The following ALPK2 variants were observed in gnomAD, a reference collection of about 807,000 sequenced individuals.
The protein encoded by ALPK2 is alpha kinase 2, also known as alpha-protein kinase 2.
ALPK2 carries 127 observed loss-of-function variants against 163.1 expected under a neutral mutation model. That is an observed-to-expected ratio of 0.78 (90% CI 0.67 to 0.90). ALPK2 has a LOEUF of 0.90. Among genes scored for constraint, ALPK2 ranks in the 40% least tolerant of loss-of-function variants. The pLI is 0.00. For missense variants in ALPK2, 2,360 were observed against 2,589.6 expected, an observed-to-expected ratio of 0.91 and a Z score of 1.92; for synonymous variants, 953 against 959.1, an observed-to-expected ratio of 0.99 and a Z score of 0.12.
intron 12 of ALPK2, among the ~76,000 whole-genome samples, chr18:58,493,558 C>T (rs1264139302): frequency 6.6e-6 from 1 of 152,076 alleles, no homozygotes. Flanking sequence ...CTCAGCTTGG[C>T]CGAGTGTGGG....
At chr18:58,515,855 A>G (rs2051518553) in intron 9 of ALPK2, among the ~76,000 whole-genome samples, 1 of 152,194 alleles carries the variant, frequency 6.6e-6, no homozygotes, top group African/African-American at 2.4e-5. Flanking sequence ...TAAACATTTT[A>G]AAGGGGCACA....
At position 58,625,630 on chromosome 18, in the gene ALPK2, G is replaced by A. The variant is rs147136865; in HGVS notation, c.-21+3134C>T. Among the ~76,000 whole-genome samples, 432 of 152,338 alleles carry A rather than the reference G, an allele frequency of 2.8e-3. 2 individuals carry two copies. The highest frequency in any genetic ancestry group is 0.01 in the African/African-American group (418 of 41,578). ...TTTAAGAACCGCTGGACTCAGGAAG[G>A]TCTTAAACTAGGGGTTGAGGAGCAA... On this transcript the variant is annotated intron_variant, in intron 1 of 12. Coordinates refer to ENST00000361673, the MANE Select transcript of ALPK2 (RefSeq NM_052947.4).
intron 10 of ALPK2, among the ~76,000 whole-genome samples, chr18:58,512,908 GGTGTATGTGTGAT>G (rs1412552210): frequency 8.0e-6 from 1 of 125,490 alleles, no homozygotes; most frequent in Non-Finnish European, 1.7e-5. Context: ...GTATGTGTGT[GGTGTATGTGTGAT>G]GTGTGGGGTG....
chr18:58,580,648 G>A, intron 3 of ALPK2, 100 bp from the exon 4 acceptor site: 3 of 1,113,058 alleles, frequency 2.7e-6, no homozygotes, highest in South Asian at 3.0e-5. Context: ...TCATTTTACT[G>A]CATGTTCAAG....
In ALPK2 at chr18:58,611,982, G is replaced by A. The variant is rs1602240032; in HGVS notation, c.-20-165C>T. ...GCCTTTCCAGGCCGTGGTGCTGCTG[G>A]TAGGTGGGCTGGATCCTTCTGTATT... On this transcript the variant is annotated intron_variant, in intron 1 of 12. Transcript: ENST00000361673. 4.6e-5 allele frequency among the ~76,000 whole-genome samples: 7 copies of A among 152,332 alleles called. 1 individual carries two copies. The South Asian group carries it at 1.4e-3, about 32-fold the overall frequency.
chr18:58,558,575 C>G (rs1602217894), intron 4 of ALPK2, among the ~76,000 whole-genome samples: 1 of 152,214 alleles, frequency 6.6e-6, no homozygotes, highest in African/African-American at 2.4e-5. Flanking sequence ...CTCTTAGGTA[C>G]TTACCCAAGA....
At chr18:58,620,838 T>G (rs2052194791) in intron 1 of ALPK2, among the ~76,000 whole-genome samples, 2 of 152,200 alleles carry the variant, frequency 1.3e-5, no homozygotes, top group South Asian at 4.1e-4. Flanking sequence ...CTTTTTTTCT[T>G]GTTAACAACA....
rs954442040 is a variant in ALPK2, at chr18:58,558,572, G to A, written c.1962+20242C>T. Reference sequence around the variant, plus strand: ...AGTTACCCAGCAATTCCACTCTTAGGTACTTACCCAAGATAATTTGAAAAC... The same window carrying A: ...AGTTACCCAGCAATTCCACTCTTAGATACTTACCCAAGATAATTTGAAAAC... On this transcript the variant is annotated intron_variant, in intron 4 of 12. Coordinates refer to ENST00000361673, the MANE Select transcript of ALPK2 (RefSeq NM_052947.4). Among the ~76,000 whole-genome samples the A allele has an allele frequency of 7.2e-5, 11 of 152,136 alleles. No individual in the cohort carries two copies. The South Asian group carries it at 2.3e-3, about 31-fold the overall frequency.
Position 58,610,290 on chromosome 18 carries a change from A to AG in ALPK2, c.109+1398_109+1399insC, listed in dbSNP as rs1354841586. Among the ~76,000 whole-genome samples, 4 of 151,618 alleles carry AG rather than the reference A, an allele frequency of 2.6e-5. No homozygotes were observed. In the East Asian group the frequency reaches 7.7e-4, roughly 29 times the overall value. ...GACCCTGTCTCAAAAAAAAAAAAAA[A>AG]AAAAAAAAGAGCAAGGGGAGAAGAG... On this transcript the variant is annotated intron_variant, in intron 2 of 12. Coordinates refer to ENST00000361673, the MANE Select transcript of ALPK2 (RefSeq NM_052947.4).
At position 58,537,265 on chromosome 18, in the gene ALPK2, T is replaced by A. The variant is rs779605544; in HGVS notation, c.2922A>T (p.Thr974=). The change falls in exon 5 of 13, where the codon ACA becomes ACT. Residue 974 remains threonine (T), a synonymous_variant. Transcript: ENST00000361673. ...PSPSAADTTA[T]PASYSSIVSF... is the part of the protein sequence containing the mutation. ...TCACAATTGAACTATAACTGGCTGG[T>A]GTGGCTGTGGTGTCTGCGGCACTAG... is the stretch of plus-strand genomic sequence containing the variant. The A allele has an allele frequency of 1.2e-6, 2 of 1,614,112 alleles. No individual in the cohort carries two copies. The highest frequency in any genetic ancestry group is 2.2e-5 in the South Asian group (2 of 91,080).
At position 58,486,201 on chromosome 18, in the gene ALPK2, G is replaced by A. The variant is rs59226986; in HGVS notation, c.6297-4162C>T. ...ACTTAACCTCTTTCTTTAGACCCTCGCAGAAAGCTGGAGTCAGGCAGCAGA... is the reference window on the plus strand; with the variant it reads ...ACTTAACCTCTTTCTTTAGACCCTCACAGAAAGCTGGAGTCAGGCAGCAGA... On this transcript the variant is annotated intron_variant, in intron 12 of 12. Coordinates refer to ENST00000361673, the MANE Select transcript of ALPK2 (RefSeq NM_052947.4). Among the ~76,000 whole-genome samples, 492 of 152,236 alleles carry A rather than the reference G, an allele frequency of 3.2e-3. 9 individuals are homozygous for A. Among genetic ancestry groups the A allele is most frequent in the Admixed American group, 0.027 (417 of 15,296 alleles).
At chr18:58,558,300 C>T (rs772119072) in intron 4 of ALPK2, among the ~76,000 whole-genome samples, 2 of 151,900 alleles carry the variant, frequency 1.3e-5, no homozygotes, top group Non-Finnish European at 2.9e-5. Context: ...AGACTTAATA[C>T]CAAAAAAATG....
At chr18:58,531,648 G>GAAAAAAAAAAAAA (rs34960653) in intron 5 of ALPK2, among the ~76,000 whole-genome samples, 1 of 103,598 alleles carries the variant, frequency 9.7e-6, no homozygotes, top group African/African-American at 3.7e-5. Context: ...GTGATAAGTT[G>GAAAAAAAAAAAAA]AAAAAAAAAA....
intron 4 of ALPK2, among the ~76,000 whole-genome samples, chr18:58,548,222 G>A (rs1021710944): frequency 1.3e-5 from 2 of 152,074 alleles, no homozygotes; most frequent in East Asian, 1.9e-4. Context: ...AAAAAATGGC[G>A]AGAAAATGCA....
rs527508336 is a variant in ALPK2 at position 58,566,267 on chromosome 18, A to C, written c.1962+12547T>G. ...TGGCTAATTGTGTCAGCATTGAAGC[A>C]CTTGTCTCTTCCCTACAAGTTGAAA... On this transcript the variant is annotated intron_variant, in intron 4 of 12. Coordinates refer to ENST00000361673, the MANE Select transcript of ALPK2 (RefSeq NM_052947.4). Among the ~76,000 whole-genome samples, 3 of 152,328 alleles carry C rather than the reference A, an allele frequency of 2.0e-5. No individual in the cohort carries two copies. In the South Asian group the frequency reaches 6.2e-4, roughly 32 times the overall value.
At chr18:58,508,494 G>C (rs902614220) in intron 10 of ALPK2, among the ~76,000 whole-genome samples, 3 of 152,210 alleles carry the variant, frequency 2.0e-5, no homozygotes, top group African/African-American at 7.2e-5. Flanking sequence ...AGACCTTGCT[G>C]ATAAAACAGC....
intron 1 of ALPK2, among the ~76,000 whole-genome samples, chr18:58,616,635 C>T (rs1372455852): frequency 6.6e-6 from 1 of 152,216 alleles, no homozygotes; most frequent in Admixed American, 6.5e-5. Flanking sequence ...CTCATCCACA[C>T]ACTGGGAGGG....
At chr18:58,622,120 G>A (rs920597072) in intron 1 of ALPK2, among the ~76,000 whole-genome samples, 3 of 152,078 alleles carry the variant, frequency 2.0e-5, no homozygotes, top group Non-Finnish European at 4.4e-5. Flanking sequence ...GCCGAGGCAG[G>A]CAGATCACCT....
intron 2 of ALPK2, among the ~76,000 whole-genome samples, chr18:58,610,275 C>CAAAAA (rs74183283): frequency 8.1e-5 from 5 of 61,890 alleles, no homozygotes; most frequent in African/African-American, 1.9e-4. Context: ...GACCCTGTCT[C>CAAAAA]AAAAAAAAAA....
Sources: gnomAD v4.1 joint callset for allele counts (sites outside exome capture counted in the v4.1 genomes callset) on GRCh38, gnomAD v4.1.1 for gene constraint, MANE v1.5 for transcripts, NCBI Gene and HGNC (gene_info 2026-07-23, HGNC 2026-07-21) for gene names.